Variants in TYW1B observed in about 807,000 individuals in gnomAD.
TYW1B encodes the protein tRNA-yW synthesizing protein 1 homolog B, also known as S-adenosyl-L-methionine-dependent tRNA 4-demethylwyosine synthase TYW1B.
Under a neutral mutation model 86.9 loss-of-function variants are expected in TYW1B, and 73 were observed. The observed-to-expected ratio is 0.84, with a 90% confidence interval of 0.70 to 1.02. The LOEUF is 1.02. Ranked by LOEUF, TYW1B falls within the 50% of genes least tolerant of loss-of-function variation. The pLI, the probability that TYW1B is intolerant of heterozygous loss-of-function variation, is 0.00. For synonymous variants in TYW1B, 248 were observed against 292.8 expected (o/e 0.85, Z 1.56); for missense variants, 637 against 827.4 (o/e 0.77, Z 2.82).
intron 13 of TYW1B, among the ~76,000 whole-genome samples, chr7:72,604,761 C>A (rs1811755338): frequency 6.6e-6 from 1 of 152,182 alleles, no homozygotes; most frequent in Non-Finnish European, 1.5e-5. Flanking sequence ...CAGCCACCCC[C>A]TCCAAAGCAC....
intron 11 of TYW1B, among the ~76,000 whole-genome samples, chr7:72,689,268 A>G (rs1407081977): frequency 3.3e-5 from 5 of 152,150 alleles, no homozygotes; most frequent in African/African-American, 9.7e-5. Context: ...AGAAGAAGAT[A>G]TATTTCATCG....
intron 4 of TYW1B, among the ~76,000 whole-genome samples, chr7:72,810,220 G>A (rs1788579668): frequency 6.6e-6 from 1 of 152,196 alleles, no homozygotes; most frequent in Non-Finnish European, 1.5e-5. Context: ...AGAAGTTGCA[G>A]TGAGCTGAGA....
At chr7:72,801,781 C>G (rs1296555489) in intron 6 of TYW1B, among the ~76,000 whole-genome samples, 1 of 152,064 alleles carries the variant, frequency 6.6e-6, no homozygotes, top group Non-Finnish European at 1.5e-5. Context: ...AGGGGCCCCA[C>G]TCATGCTGAT....
At chr7:72,710,784 G>A (rs1786638345) in intron 10 of TYW1B, among the ~76,000 whole-genome samples, 1 of 152,010 alleles carries the variant, frequency 6.6e-6, no homozygotes, top group South Asian at 2.1e-4. Flanking sequence ...CTCCAGCCTG[G>A]GAGACAAAGC....
intron 10 of TYW1B, among the ~76,000 whole-genome samples, chr7:72,696,687 G>C (rs1274325273): frequency 6.6e-6 from 1 of 151,954 alleles, no homozygotes; most frequent in African/African-American, 2.4e-5. Flanking sequence ...AGGGAATATA[G>C]GCCAAACAGA....
intron 7 of TYW1B, among the ~76,000 whole-genome samples, chr7:72,766,183 G>A (rs1202830729): frequency 2.0e-5 from 3 of 152,194 alleles, no homozygotes; most frequent in Non-Finnish European, 4.4e-5. Flanking sequence ...AGCTCATAAC[G>A]TTACAGCAGG....
chr7:72,732,822 CATT>C (rs1787135412), intron 8 of TYW1B, among the ~76,000 whole-genome samples: 1 of 151,698 alleles, frequency 6.6e-6, no homozygotes, highest in South Asian at 2.1e-4. Flanking sequence ...ACAGAAAGTT[CATT>C]TTTTAAAAAG....
intron 7 of TYW1B, chr7:72,768,950 A>G: frequency 2.8e-6 from 1 of 363,112 alleles, no homozygotes; most frequent in Non-Finnish European, 5.4e-6. Context: ...TAACACTTCT[A>G]ATACTTCCTT....
chr7:72,814,320 C>T (rs1354998094), intron 3 of TYW1B, among the ~76,000 whole-genome samples: 1 of 152,092 alleles, frequency 6.6e-6, no homozygotes, highest in Non-Finnish European at 1.5e-5. Context: ...CACGGTGGCT[C>T]ATGCCTATAA....
chr7:72,725,267 G>C (rs1342098965), intron 9 of TYW1B, among the ~76,000 whole-genome samples: 2 of 152,130 alleles, frequency 1.3e-5, no homozygotes, highest in African/African-American at 2.4e-5. Context: ...TCTGTAGGAA[G>C]GACATCCCAG....
At chr7:72,825,279 G>C (rs1183932120) in intron 2 of TYW1B, among the ~76,000 whole-genome samples, 20 of 152,240 alleles carry the variant, frequency 1.3e-4, no homozygotes, top group African/African-American at 4.8e-4. Context: ...CCAAAAAAGA[G>C]AGAATGGGAA....
intron 11 of TYW1B, among the ~76,000 whole-genome samples, chr7:72,638,947 C>T (rs879998401): frequency 3.9e-5 from 6 of 152,176 alleles, no homozygotes; most frequent in South Asian, 2.1e-4. Flanking sequence ...ACCAAAAGGA[C>T]TCAATCAGCC....
intron 13 of TYW1B, among the ~76,000 whole-genome samples, chr7:72,589,252 C>A (rs1554431000): frequency 6.6e-6 from 1 of 152,194 alleles, no homozygotes; most frequent in Admixed American, 6.5e-5. Flanking sequence ...ATAAATGTTA[C>A]TGGTTGCTGA....
At chr7:72,777,386 C>G (rs527561686) in intron 7 of TYW1B, 30 bp downstream of exon 7, 3 of 1,611,616 alleles carry the variant, frequency 1.9e-6, no homozygotes, top group Non-Finnish European at 2.5e-6. Context: ...AGACTATAGT[C>G]ATATAACAAC....
intron 10 of TYW1B, 103 bp downstream of exon 10, chr7:72,713,518 A>C (rs1315286748): frequency 1.7e-6 from 2 of 1,186,950 alleles, no homozygotes; most frequent in Non-Finnish European, 2.3e-6. Flanking sequence ...TGTATGTAGT[A>C]AGTAATCAAT....
intron 12 of TYW1B, among the ~76,000 whole-genome samples, chr7:72,618,056 C>A (rs1812119463): frequency 6.6e-6 from 1 of 151,770 alleles, no homozygotes; most frequent in South Asian, 2.1e-4. Context: ...TTGAGAAAAT[C>A]CCAGAAATGA....
intron 11 of TYW1B, among the ~76,000 whole-genome samples, chr7:72,657,845 ATCTGGAAGTGAAAGAATATCTAC>A (rs1813240963): frequency 6.6e-6 from 1 of 152,222 alleles, no homozygotes; most frequent in Admixed American, 6.5e-5. Context: ...GGAGTCCTAT[ATCTGGAAGTGAAAGAATATCTAC>A]CATCATAAAA....
At chr7:72,693,119 C>T (rs1814213161) in intron 11 of TYW1B, among the ~76,000 whole-genome samples, 1 of 151,890 alleles carries the variant, frequency 6.6e-6, no homozygotes, top group South Asian at 2.1e-4. Context: ...GGGTGATTCT[C>T]ATTATCAGTC....
chr7:72,742,358 G>A (rs1787320500), intron 8 of TYW1B, among the ~76,000 whole-genome samples: 1 of 152,120 alleles, frequency 6.6e-6, no homozygotes, highest in Admixed American at 6.6e-5. Flanking sequence ...TTGAACCCCT[G>A]GGCTCAAGTG....
Sources: gnomAD v4.1 joint callset for allele counts (sites outside exome capture counted in the v4.1 genomes callset) on GRCh38, gnomAD v4.1.1 for gene constraint, MANE v1.5 for transcripts, NCBI Gene and HGNC (gene_info 2026-07-23, HGNC 2026-07-21) for gene names.